PKHD1L1: variants seen among roughly 807,000 people sequenced by gnomAD.
The protein encoded by PKHD1L1 is PKHD1 like 1.
A neutral mutation model predicts 462.9 loss-of-function variants in PKHD1L1; 434 were observed. The ratio of observed to expected loss-of-function variants is 0.94; its 90% CI spans 0.87 to 1.02. The LOEUF is 1.02. PKHD1L1 is among the 50% of genes least tolerant of loss of function. The pLI is 0.00. For missense variants in PKHD1L1, 5,202 were observed against 5,096.1 expected (o/e 1.02, Z -0.63); for synonymous variants, 1,781 against 1,750.0 (o/e 1.02, Z -0.44).
At position 109,534,243 on chromosome 8, in the gene PKHD1L1, A is replaced by G. The variant is rs576868174; in HGVS notation, c.*4153A>G. Among the ~76,000 whole-genome samples, 1 of 152,370 alleles carries G rather than the reference A, an allele frequency of 6.6e-6. No homozygotes were observed. The highest frequency in any genetic ancestry group is 6.5e-5 in the Admixed American group (1 of 15,308). ...TCTGGGAGGCCAAGGCAGGCGGATCACGAGGTCAGGAGATCGAGACTATCC... is the reference window on the plus strand; with the variant it reads ...TCTGGGAGGCCAAGGCAGGCGGATCGCGAGGTCAGGAGATCGAGACTATCC... On this transcript the variant is annotated 3_prime_UTR_variant, in exon 78 of 78. Coordinates refer to ENST00000378402, the MANE Select transcript of PKHD1L1 (RefSeq NM_177531.6).
chr8:109,388,462 TA>T, intron 6 of PKHD1L1, 34 bp from the exon 7 acceptor site: 1 of 1,414,794 alleles, frequency 7.1e-7, no homozygotes, highest in South Asian at 1.3e-5. Flanking sequence ...TTGTTAAACA[TA>T]ACTTGATTTT....
chr8:109,461,802 G>A lies in PKHD1L1; in HGVS notation c.7277G>A (p.Gly2426Glu), dbSNP rs752180205. ...TTTGCTACACAGACCTGTCTCCAAG[G>A]AAAGTTTGGAGAAGAAATAGGAAGT... ...GEFATQTCLQ[G>E]KFGEEIGSDQ... The change falls in exon 48 of 78, where the codon GGA becomes GAA. Residue 2426 changes from glycine to glutamate, a missense_variant. Transcript: ENST00000378402. 17 of 1,609,526 alleles carry A rather than the reference G, an allele frequency of 1.1e-5. No homozygotes were observed. The South Asian group carries it at 1.7e-4, about 16-fold the overall frequency.
intron 19 of PKHD1L1, among the ~76,000 whole-genome samples, chr8:109,410,726 CTTTTTTT>C (rs71303459): frequency 2.2e-4 from 15 of 68,384 alleles, no homozygotes; most frequent in South Asian, 5.0e-4. Flanking sequence ...TTTTCTTTTT[CTTTTTTT>C]TTTTTTTTTT....
chr8:109,374,228 T>C (rs923644937), intron 2 of PKHD1L1, among the ~76,000 whole-genome samples: 16 of 152,238 alleles, frequency 1.1e-4, no homozygotes, highest in African/African-American at 3.6e-4. Context: ...GCTCTTCTTG[T>C]TGAATTGATC....
chr8:109,378,797 T>G (rs994792909), intron 2 of PKHD1L1, among the ~76,000 whole-genome samples: 1 of 152,192 alleles, frequency 6.6e-6, no homozygotes, highest in African/African-American at 2.4e-5. Flanking sequence ...CTTCACTAGT[T>G]GGTTAGGAAC....
At position 109,442,075 on chromosome 8, in the gene PKHD1L1, C is replaced by T; in HGVS notation, c.4273C>T (p.His1425Tyr). 2 of 1,613,466 alleles carry T rather than the reference C, an allele frequency of 1.2e-6. No individual in the cohort carries two copies. Among genetic ancestry groups the T allele is most frequent in the Non-Finnish European group, 1.7e-6 (2 of 1,179,586 alleles). Reference protein sequence around the residue: ...NVSVGDTVAWHWQTHPFLRGI... With the variant: ...NVSVGDTVAWYWQTHPFLRGI... ...GTCTGTGGGGGACACAGTGGCATGG[C>T]ATTGGCAAACACATCCGTTTCTTAG... Residue 1425 changes from histidine to tyrosine, a missense_variant, in exon 35 of 78, where the codon CAT becomes TAT. This residue lies in a region of PKHD1L1 where 4,497 missense variants were observed against 4,336.8 expected (regional missense o/e 1.04). Coordinates refer to ENST00000378402, the MANE Select transcript of PKHD1L1 (RefSeq NM_177531.6).
intron 41 of PKHD1L1, among the ~76,000 whole-genome samples, 157 bp from the exon 42 acceptor site, chr8:109,451,967 G>T (rs142406210): frequency 5.6e-4 from 85 of 151,042 alleles, no homozygotes; most frequent in Admixed American, 1.4e-3. Context: ...ATATTTTGAA[G>T]TCTTAATATT....
chr8:109,525,397 T>C (rs772953690), intron 76 of PKHD1L1, among the ~76,000 whole-genome samples: 3 of 152,228 alleles, frequency 2.0e-5, no homozygotes, highest in South Asian at 4.1e-4. Flanking sequence ...TCAGTTTCTA[T>C]TGCTATGAAA....
chr8:109,443,459 A>G (rs920202790), intron 36 of PKHD1L1, among the ~76,000 whole-genome samples: 4 of 152,178 alleles, frequency 2.6e-5, no homozygotes, highest in Admixed American at 2.6e-4. Flanking sequence ...TGAAAAATAA[A>G]TCAATTTTAT....
chr8:109,486,724 C>T lies in PKHD1L1; in HGVS notation c.9783C>T (p.Ile3261=), dbSNP rs1043606035. Residue 3261 remains isoleucine (I), a synonymous_variant, in exon 59 of 78, where the codon ATC becomes ATT. Coordinates refer to ENST00000378402, the MANE Select transcript of PKHD1L1 (RefSeq NM_177531.6). ...ATGTTGGGATACTGAGTAGGAACAT[C>T]AAAATAGTTGGTGAAGATTACCCCG... ...AADVGILSRN[I]KIVGEDYPGW... The T allele has an allele frequency of 2.5e-6, 4 of 1,612,362 alleles. No individual in the cohort carries two copies. Among genetic ancestry groups the T allele is most frequent in the Non-Finnish European group, 3.4e-6 (4 of 1,178,910 alleles).
At chr8:109,379,587 G>T (rs1171024940) in intron 2 of PKHD1L1, among the ~76,000 whole-genome samples, 1 of 152,172 alleles carries the variant, frequency 6.6e-6, no homozygotes, top group Non-Finnish European at 1.5e-5. Flanking sequence ...ATATGCTGTT[G>T]TTTTGTAATA....
chr8:109,369,294 G>A (rs1399436489), intron 2 of PKHD1L1, among the ~76,000 whole-genome samples: 1 of 152,018 alleles, frequency 6.6e-6, no homozygotes, highest in Non-Finnish European at 1.5e-5. Flanking sequence ...ATACTTTTAA[G>A]TTAAAATTTT....
chr8:109,412,135 A>T, intron 19 of PKHD1L1, 130 bp from the exon 20 acceptor site: 2 of 823,330 alleles, frequency 2.4e-6, no homozygotes, highest in Non-Finnish European at 3.7e-6. Flanking sequence ...AAGGAAGAAA[A>T]CATCTAAAGT....
chr8:109,437,687 G>T (rs973844533), intron 30 of PKHD1L1, among the ~76,000 whole-genome samples: 1 of 151,934 alleles, frequency 6.6e-6, no homozygotes, highest in African/African-American at 2.4e-5. Flanking sequence ...AAATAAATTT[G>T]TTTTTTGGAC....
At chr8:109,384,751 A>C (rs1468615381) in intron 5 of PKHD1L1, among the ~76,000 whole-genome samples, 1 of 152,080 alleles carries the variant, frequency 6.6e-6, no homozygotes, top group East Asian at 1.9e-4. Context: ...TCAAGAATTA[A>C]TATACAAGAT....
At chr8:109,479,341 T>C (rs909319183) in intron 53 of PKHD1L1, among the ~76,000 whole-genome samples, 1 of 152,058 alleles carries the variant, frequency 6.6e-6, no homozygotes, top group African/African-American at 2.4e-5. Context: ...TCTACCCCTT[T>C]CTTCACAGAA....
intron 71 of PKHD1L1, among the ~76,000 whole-genome samples, chr8:109,513,887 C>T (rs1413137874): frequency 1.3e-5 from 2 of 152,128 alleles, no homozygotes; most frequent in Non-Finnish European, 1.5e-5. Context: ...CTCCTAATTC[C>T]TCTTTCTACT....
intron 73 of PKHD1L1, among the ~76,000 whole-genome samples, chr8:109,521,917 C>A (rs1820571445): frequency 6.6e-6 from 1 of 152,098 alleles, no homozygotes; most frequent in African/African-American, 2.4e-5. Context: ...GACATATATT[C>A]TCCCACTATG....
intron 53 of PKHD1L1, among the ~76,000 whole-genome samples, chr8:109,478,770 T>C (rs1818125140): frequency 6.6e-6 from 1 of 152,146 alleles, no homozygotes; most frequent in Non-Finnish European, 1.5e-5. Context: ...GTGATAAAGG[T>C]AAACTACGAT....
Sources: allele counts gnomAD v4.1 joint callset (sites outside exome capture counted in the v4.1 genomes callset), GRCh38; gene constraint gnomAD v4.1.1; regional missense constraint gnomAD v4.1.1; transcripts MANE v1.5; gene names NCBI Gene and HGNC (gene_info 2026-07-23, HGNC 2026-07-21).